Variants in CFTR observed in about 807,000 individuals in gnomAD.
CFTR encodes cystic fibrosis transmembrane conductance regulator.
Under a neutral mutation model 171.6 loss-of-function variants are expected in CFTR, and 181 were observed. The observed-to-expected ratio is 1.05, with a 90% confidence interval of 0.93 to 1.19. The LOEUF is 1.19. Among genes scored for constraint, CFTR ranks in the 50% most tolerant of loss-of-function variants. The pLI, the probability that CFTR is intolerant of heterozygous loss-of-function variation, is 0.00. For synonymous variants in CFTR, 583 were observed against 608.0 expected (o/e 0.96, Z 0.60); for missense variants, 1,968 against 1,734.7 (o/e 1.13, Z -2.39).
At position 117,603,380 on chromosome 7, in the gene CFTR, C is replaced by CAAT. The variant is rs2116060671; in HGVS notation, c.2658-147_2658-145dup. ...GTGAGAAAACATATCTATTTTCTTG[C>CAAT]AATAATAGTATGATTTTGAGGTTAA... On this transcript the variant is annotated intron_variant, in intron 16 of 26. Coordinates refer to ENST00000003084, the MANE Select transcript of CFTR (RefSeq NM_000492.4). 5 of 747,052 alleles carry CAAT rather than the reference C, an allele frequency of 6.7e-6. No homozygotes were observed. The South Asian group carries it at 8.3e-5, about 12-fold the overall frequency. The allele number at this position is 747,052 out of a possible 1,614,324, so 46.3% of individuals were successfully genotyped here.
At chr7:117,652,317 T>G (rs1298861577) in intron 23 of CFTR, among the ~76,000 whole-genome samples, 1 of 152,172 alleles carries the variant, frequency 6.6e-6, no homozygotes, top group East Asian at 1.9e-4. Context: ...ATAAGTAGAG[T>G]TGTGCCTTGG....
At chr7:117,612,518 C>A (rs549810072) in intron 20 of CFTR, among the ~76,000 whole-genome samples, 1 of 152,120 alleles carries the variant, frequency 6.6e-6, no homozygotes, top group East Asian at 1.9e-4. Flanking sequence ...ATTTGTTTCT[C>A]TAATTTAAGA....
chr7:117,621,930 T>C (rs1188889921), intron 21 of CFTR, among the ~76,000 whole-genome samples: 1 of 152,182 alleles, frequency 6.6e-6, no homozygotes, highest in African/African-American at 2.4e-5. Flanking sequence ...TTCTTAGTTA[T>C]TGAAATGGGC....
At chr7:117,510,897 A>C (rs1041561585) in intron 3 of CFTR, among the ~76,000 whole-genome samples, 1 of 152,138 alleles carries the variant, frequency 6.6e-6, no homozygotes, top group African/African-American at 2.4e-5. Context: ...AGCAAAAATT[A>C]TCTCTAATTT....
intron 11 of CFTR, among the ~76,000 whole-genome samples, chr7:117,564,303 C>T (rs1165823464): frequency 1.3e-5 from 2 of 152,112 alleles, no homozygotes; most frequent in East Asian, 1.9e-4. Flanking sequence ...TGAAAGTGCT[C>T]GGTTATCTTG....
rs148317197 is a variant in CFTR, at chr7:117,644,466, T to G, written c.3873+1873T>G. On this transcript the variant is annotated intron_variant, in intron 23 of 26. Coordinates refer to ENST00000003084, the MANE Select transcript of CFTR (RefSeq NM_000492.4). ...ATTAAAAATCCAAAGAAAATTATGT[T>G]TGTTTGCTTTTCTGTTTTTTTCTTC... Among the ~76,000 whole-genome samples the G allele has an allele frequency of 1.6e-3, 245 of 152,252 alleles. 1 individual carries two copies. Among genetic ancestry groups the G allele is most frequent in the African/African-American group, 5.5e-3 (230 of 41,580 alleles).
At chr7:117,666,777 T>G in intron 26 of CFTR, 131 bp from the exon 27 acceptor site, 1 of 777,642 alleles carries the variant, frequency 1.3e-6, no homozygotes, top group South Asian at 1.5e-5. Flanking sequence ...CATACCTGAT[T>G]GTTCAAAATG....
chr7:117,635,898 A>C (rs35995554), intron 22 of CFTR, among the ~76,000 whole-genome samples: 2,168 of 152,216 alleles, frequency 0.014, 38 homozygotes, highest in African/African-American at 0.031. Context: ...ATTAAGAGTA[A>C]GAAAAATAGT....
chr7:117,635,984 G>T (rs1381431198), intron 22 of CFTR, among the ~76,000 whole-genome samples: 1 of 151,956 alleles, frequency 6.6e-6, no homozygotes, highest in African/African-American at 2.4e-5. Flanking sequence ...GTAGATCCAA[G>T]TTTCTGACCT....
rs1354713557 is a variant in CFTR at position 117,509,121 on chromosome 7, T to C, written c.252T>C (p.Tyr84=). 1.9e-6 allele frequency: 3 copies of C among 1,596,192 alleles called. No homozygotes were observed. The highest frequency in any genetic ancestry group is 1.7e-6 in the Non-Finnish European group (2 of 1,163,870). The stretch of plus-strand genomic sequence containing the variant: ...GTTTTTTCTGGAGATTTATGTTCTA[T>C]GGAATCTTTTTATATTTAGGGGTAA... The part of the protein sequence containing the change: ...RRCFFWRFMF[Y]GIFLYLGEVT... Residue 84 remains tyrosine (Y), a synonymous_variant, in exon 3 of 27, where the codon TAT becomes TAC. Coordinates refer to ENST00000003084, the MANE Select transcript of CFTR (RefSeq NM_000492.4).
chr7:117,648,219 A>G (rs531221875), intron 23 of CFTR, among the ~76,000 whole-genome samples: 1 of 151,900 alleles, frequency 6.6e-6, no homozygotes, highest in African/African-American at 2.4e-5. Flanking sequence ...ACAGCACTGT[A>G]TGCTTAAAGA....
At chr7:117,520,801 A>G (rs1194515440) in intron 3 of CFTR, among the ~76,000 whole-genome samples, 1 of 151,946 alleles carries the variant, frequency 6.6e-6, no homozygotes, top group Admixed American at 6.6e-5. Context: ...TGTTGAATGG[A>G]TATTCTGTGC....
At chr7:117,538,646 G>A (rs2116681274) in intron 7 of CFTR, among the ~76,000 whole-genome samples, 1 of 152,262 alleles carries the variant, frequency 6.6e-6, no homozygotes, top group East Asian at 1.9e-4. Context: ...GACCTCTACT[G>A]TGCTATTTAA....
At position 117,664,739 on chromosome 7, in the gene CFTR, C is replaced by T. The variant is rs397508660; in HGVS notation, c.4015C>T (p.Leu1339Phe). The T allele has an allele frequency of 6.2e-7, 1 of 1,613,964 alleles. No homozygotes were observed. Among genetic ancestry groups the T allele is most frequent in the East Asian group, 2.2e-5 (1 of 44,862 alleles). The change falls in exon 25 of 27, where the codon CTT becomes TTT. Residue 1339 changes from leucine (L) to phenylalanine (F), a missense_variant. Transcript: ENST00000003084. Reference protein sequence around the residue: ...EQFPGKLDFVLVDGGCVLSHG... With the variant: ...EQFPGKLDFVFVDGGCVLSHG... ...GTTTCCTGGGAAGCTTGACTTTGTC[C>T]TTGTGGATGGGGGCTGTGTCCTAAG... is the stretch of plus-strand genomic sequence containing the variant.
intron 2 of CFTR, among the ~76,000 whole-genome samples, chr7:117,504,709 G>A (rs1040809440): frequency 1.3e-5 from 2 of 148,732 alleles, no homozygotes; most frequent in African/African-American, 5.0e-5. Flanking sequence ...AGCTATGATT[G>A]TGCCACTGCA....
At position 117,640,511 on chromosome 7, in the gene CFTR, C is replaced by T. The variant is rs114001953; in HGVS notation, c.3718-1927C>T. Among the ~76,000 whole-genome samples the T allele has an allele frequency of 9.1e-3, 1,389 of 152,156 alleles. 24 individuals are homozygous for T. Among genetic ancestry groups the T allele is most frequent in the African/African-American group, 0.032 (1,335 of 41,534 alleles). ...TCATTAGAAATCTGACTAATGATAACAAGGATTTAGACCTCAAGCACTTCT... is the reference window on the plus strand; with the variant it reads ...TCATTAGAAATCTGACTAATGATAATAAGGATTTAGACCTCAAGCACTTCT... On this transcript the variant is annotated intron_variant, in intron 22 of 26. Transcript: ENST00000003084.
At chr7:117,619,539 A>G (rs555185483) in intron 21 of CFTR, among the ~76,000 whole-genome samples, 3 of 152,334 alleles carry the variant, frequency 2.0e-5, no homozygotes, top group Non-Finnish European at 4.4e-5. Flanking sequence ...GACTGATTGT[A>G]CAATGACCAA....
intron 11 of CFTR, among the ~76,000 whole-genome samples, chr7:117,582,439 C>T (rs1000101644): frequency 6.6e-6 from 1 of 152,186 alleles, no homozygotes; most frequent in Non-Finnish European, 1.5e-5. Flanking sequence ...AGAAAGGACA[C>T]TTGGATGCAT....
intron 11 of CFTR, among the ~76,000 whole-genome samples, chr7:117,561,086 A>C (rs1464588224): frequency 1.3e-5 from 2 of 152,108 alleles, no homozygotes; most frequent in Non-Finnish European, 2.9e-5. Flanking sequence ...ATTACTAGTA[A>C]TAAATTTAGT....
Sources: allele counts gnomAD v4.1 joint callset (sites outside exome capture counted in the v4.1 genomes callset), GRCh38; gene constraint gnomAD v4.1.1; transcripts MANE v1.5; gene names NCBI Gene and HGNC (gene_info 2026-07-23, HGNC 2026-07-21).